DIAPH3: variants seen among roughly 807,000 people sequenced by gnomAD.
DIAPH3 encodes diaphanous related formin 3, also known as protein diaphanous homolog 3.
A neutral mutation model predicts 144.3 loss-of-function variants in DIAPH3; 117 were observed. That is an observed-to-expected ratio of 0.81 (90% CI 0.70 to 0.95). The LOEUF is 0.95. Among genes scored for constraint, DIAPH3 ranks in the 40% least tolerant of loss-of-function variants. The probability of loss-of-function intolerance (pLI) is 0.00; values close to 1 mark genes in which losing one functional copy is unlikely to be tolerated. For synonymous variants in DIAPH3, 519 were observed against 488.9 expected (o/e 1.06, Z -0.81); for missense variants, 1,421 against 1,412.7 (o/e 1.01, Z -0.09).
At chr13:59,962,466 C>A (rs570716514) in intron 17 of DIAPH3, among the ~76,000 whole-genome samples, 1 of 152,298 alleles carries the variant, frequency 6.6e-6, no homozygotes, top group African/African-American at 2.4e-5. Context: ...AGCTGACAGG[C>A]TTCAAGTTGT....
intron 20 of DIAPH3, among the ~76,000 whole-genome samples, chr13:59,897,192 A>C (rs191276523): frequency 6.6e-6 from 1 of 152,328 alleles, no homozygotes; most frequent in African/African-American, 2.4e-5. Flanking sequence ...GAGGAGTCAG[A>C]CATTAGAAGC....
At position 59,810,831 on chromosome 13, in the gene DIAPH3, G is replaced by C. The variant is rs559289307; in HGVS notation, c.3120C>G (p.Leu1040=). 8 of 1,613,524 alleles carry C rather than the reference G, an allele frequency of 5.0e-6. No homozygotes were observed. Among genetic ancestry groups the C allele is most frequent in the Admixed American group, 1.7e-5 (1 of 60,000 alleles). The change falls in exon 25 of 28, where the codon CTC becomes CTG. Residue 1040 remains leucine (L), a synonymous_variant. Coordinates refer to ENST00000400324, the MANE Select transcript of DIAPH3 (RefSeq NM_001042517.2). ...IAKELAERER[L]ERQQKKKRLL... ...AACGCTTTTTCTTTTGTTGGCGTTC[G>C]AGTCTTTCTCGCTCTGCTAATTCTT...
At chr13:59,972,105 C>T (rs1190734592) in intron 15 of DIAPH3, among the ~76,000 whole-genome samples, 1 of 152,098 alleles carries the variant, frequency 6.6e-6, no homozygotes, top group East Asian at 1.9e-4. Flanking sequence ...AAAGCAGTGA[C>T]TGGTGCATGA....
chr13:59,699,544 C>T (rs1205393122), intron 27 of DIAPH3, among the ~76,000 whole-genome samples: 3 of 152,162 alleles, frequency 2.0e-5, no homozygotes, highest in Non-Finnish European at 4.4e-5. Flanking sequence ...TTTTCAGAAA[C>T]ACTTTGGGGC....
intron 27 of DIAPH3, among the ~76,000 whole-genome samples, chr13:59,680,045 G>T (rs1304333847): frequency 6.6e-6 from 1 of 151,936 alleles, no homozygotes; most frequent in Admixed American, 6.6e-5. Context: ...TCAAACTGTT[G>T]GTCAGTTCCA....
intron 27 of DIAPH3, among the ~76,000 whole-genome samples, chr13:59,672,649 C>T (rs2032440550): frequency 6.6e-6 from 1 of 152,164 alleles, no homozygotes; most frequent in Non-Finnish European, 1.5e-5. Flanking sequence ...TTAGTGGTGG[C>T]CGCCAGCAGC....
At chr13:60,094,146 TA>T (rs2058037858) in intron 3 of DIAPH3, among the ~76,000 whole-genome samples, 1 of 152,178 alleles carries the variant, frequency 6.6e-6, no homozygotes, top group African/African-American at 2.4e-5. Context: ...AATTAAAAGG[TA>T]AATAAACCAA....
chr13:59,898,460 T>C (rs965255719), intron 20 of DIAPH3, among the ~76,000 whole-genome samples: 8 of 152,200 alleles, frequency 5.3e-5, no homozygotes, highest in African/African-American at 1.4e-4. Context: ...ACAAAGTTTT[T>C]TTTAACCCAG....
At chr13:59,853,713 T>C (rs2043107308) in intron 22 of DIAPH3, among the ~76,000 whole-genome samples, 2 of 152,214 alleles carry the variant, frequency 1.3e-5, no homozygotes, top group Admixed American at 6.5e-5. Flanking sequence ...TACAAAGGCA[T>C]ACAATAATTT....
At chr13:59,805,063 C>G (rs1221406141) in intron 25 of DIAPH3, among the ~76,000 whole-genome samples, 1 of 152,044 alleles carries the variant, frequency 6.6e-6, no homozygotes, top group African/African-American at 2.4e-5. Flanking sequence ...ATTTAATAGA[C>G]TGAAGTTGCA....
At chr13:60,012,088 C>G (rs1303099312) in intron 7 of DIAPH3, among the ~76,000 whole-genome samples, 1 of 152,150 alleles carries the variant, frequency 6.6e-6, no homozygotes, top group African/African-American at 2.4e-5. Context: ...ATGAACTAAA[C>G]TCAAAATCAG....
At chr13:60,025,195 T>C (rs1405559077) in intron 5 of DIAPH3, among the ~76,000 whole-genome samples, 1 of 151,840 alleles carries the variant, frequency 6.6e-6, no homozygotes, top group African/African-American at 2.4e-5. Context: ...GTCCTTTGGT[T>C]TCAGAGAGAA....
At chr13:59,766,592 C>T (rs77829852) in intron 27 of DIAPH3, among the ~76,000 whole-genome samples, 37 of 152,248 alleles carry the variant, frequency 2.4e-4, no homozygotes, top group African/African-American at 8.2e-4. Context: ...TCCCATTCCC[C>T]GGGAACCTAA....
chr13:59,819,761 T>C lies in DIAPH3; in HGVS notation c.3028-8838A>G, dbSNP rs570191873. On this transcript the variant is annotated intron_variant, in intron 24 of 27. Transcript: ENST00000400324. ...TATGACATTTCATCACTTTTAGAAGTTGTAAAAAAAAAAAAATCAATCTGA... is the reference window on the plus strand; with the variant it reads ...TATGACATTTCATCACTTTTAGAAGCTGTAAAAAAAAAAAAATCAATCTGA... 2.6e-3 allele frequency among the ~76,000 whole-genome samples: 190 copies of C among 74,150 alleles called. 1 individual carries two copies. The highest frequency in any genetic ancestry group is 7.5e-3 in the African/African-American group (187 of 24,776). The allele number at this position is 74,150 out of a possible 152,430, so 48.6% of individuals were successfully genotyped here. A position where few individuals can be genotyped will look rare whatever the true frequency, so the allele number is the denominator to read the frequency against.
intron 5 of DIAPH3, among the ~76,000 whole-genome samples, chr13:60,024,383 G>A (rs762094958): frequency 1.1e-4 from 16 of 152,018 alleles, no homozygotes; most frequent in Non-Finnish European, 2.2e-4. Flanking sequence ...TCGCTTTTGA[G>A]GCCCTCCAGT....
intron 2 of DIAPH3, among the ~76,000 whole-genome samples, chr13:60,116,753 C>T (rs2058715044): frequency 6.6e-6 from 1 of 151,952 alleles, no homozygotes; most frequent in South Asian, 2.1e-4. Flanking sequence ...AAATGCATAA[C>T]CTAATGGTTC....
chr13:59,924,766 G>A lies in DIAPH3; in HGVS notation c.2170+9C>T. ...CTGTCTTTGAATGGTATTGGAATATGATACTTACAAAGGTTCTGGGCAATT... is the reference window on the plus strand; with the variant it reads ...CTGTCTTTGAATGGTATTGGAATATAATACTTACAAAGGTTCTGGGCAATT... On this transcript the variant is annotated intron_variant, in intron 18 of 27. Transcript: ENST00000400324. 2 of 1,598,736 alleles carry A rather than the reference G, an allele frequency of 1.3e-6. No homozygotes were observed. The highest frequency in any genetic ancestry group is 1.7e-6 in the Non-Finnish European group (2 of 1,169,630).
intron 4 of DIAPH3, among the ~76,000 whole-genome samples, chr13:60,050,793 C>G (rs528542175): frequency 7.7e-5 from 4 of 51,888 alleles, no homozygotes; most frequent in African/African-American, 3.5e-4. Context: ...ATTTTTCTAT[C>G]TACTGTGTGG....
At chr13:59,895,297 C>T (rs75838531) in intron 20 of DIAPH3, among the ~76,000 whole-genome samples, 3 of 151,618 alleles carry the variant, frequency 2.0e-5, no homozygotes, top group Non-Finnish European at 4.4e-5. Flanking sequence ...TTTGGCTATT[C>T]GGTATCCGCT....
Sources: allele counts gnomAD v4.1 joint callset (sites outside exome capture counted in the v4.1 genomes callset), GRCh38; gene constraint gnomAD v4.1.1; transcripts MANE v1.5; gene names NCBI Gene and HGNC (gene_info 2026-07-23, HGNC 2026-07-21).